The following JOSD2 variants were observed in gnomAD, a reference collection of about 807,000 sequenced individuals.
JOSD2 encodes josephin-2.
A neutral mutation model predicts 19.3 loss-of-function variants in JOSD2; 20 were observed. That is an observed-to-expected ratio of 1.04 (90% CI 0.73 to 1.51). The LOEUF (loss-of-function observed/expected upper bound fraction) is 1.51. JOSD2 is among the 40% of genes most tolerant of loss of function. The pLI, the probability that JOSD2 is intolerant of heterozygous loss-of-function variation, is 0.00. For synonymous variants in JOSD2, 118 were observed against 123.7 expected, an observed-to-expected ratio of 0.95 and a Z score of 0.31; for missense variants, 215 against 250.4, an observed-to-expected ratio of 0.86 and a Z score of 0.95.
intron 2 of JOSD2, 36 bp from the exon 3 acceptor site, chr19:50,507,735 C>A: frequency 1.3e-6 from 2 of 1,589,304 alleles, no homozygotes; most frequent in Non-Finnish European, 1.7e-6. Flanking sequence ...AGGTGGGGAC[C>A]CCTGGAAAGG....
At position 50,507,698 on chromosome 19, in the gene JOSD2, A is replaced by G. The variant is rs1370464880; in HGVS notation, c.148T>C (p.Leu50=). ...QEAADEICKR[L]APDSRLNPHR... is the part of the protein sequence containing the mutation. ...GGGTTCAGCCGGGAGTCTGGGGCCA[A>G]CCTGGTAGTGGGGGTGGCCAGAGCT... is the stretch of plus-strand genomic sequence containing the variant. The change falls in exon 3 of 5, where the codon TTG becomes CTG. Residue 50 remains leucine (L), a splice_region_variant and synonymous_variant. Transcript: ENST00000598418. 3 of 1,610,380 alleles carry G rather than the reference A, an allele frequency of 1.9e-6. No individual in the cohort carries two copies. Among genetic ancestry groups the G allele is most frequent in the Non-Finnish European group, 2.5e-6 (3 of 1,179,188 alleles).
chr19:50,506,512 G>C lies in JOSD2; in HGVS notation c.333C>G (p.Pro111=). 2 of 1,554,756 alleles carry C rather than the reference G, an allele frequency of 1.3e-6. No homozygotes were observed. The highest frequency in any genetic ancestry group is 1.7e-6 in the Non-Finnish European group (2 of 1,149,884). The change falls in exon 4 of 5, where the codon CCC becomes CCG. Residue 111 remains proline, a synonymous_variant. Coordinates refer to ENST00000598418, the MANE Select transcript of JOSD2 (RefSeq NM_001270639.2). The part of the protein sequence containing the change: ...VLGLILNLPS[P]VSLGLLSLPL... ...GCAGTGACAGCAGCCCCAGCGACAC[G>C]GGCGAGGGCAGGTTCAGGATCAGCC...
Position 50,510,460 on chromosome 19 carries a change from GA to G in JOSD2, c.-17-13del. ...GTCCTCGGCTCCTGCTGGGGGTTGGGAGGGGGAGAAGGTCCTCAGGGGCCCG... is the reference window on the plus strand; with the variant it reads ...GTCCTCGGCTCCTGCTGGGGGTTGGGGGGGGAGAAGGTCCTCAGGGGCCCG... On this transcript the variant is annotated splice_polypyrimidine_tract_variant and intron_variant, in intron 1 of 4. Coordinates refer to ENST00000598418, the MANE Select transcript of JOSD2 (RefSeq NM_001270639.2). The G allele has an allele frequency of 6.3e-7, 1 of 1,588,050 alleles. No homozygotes were observed. The highest frequency in any genetic ancestry group is 8.6e-7 in the Non-Finnish European group (1 of 1,168,286).
chr19:50,509,096 A>G (rs1445226758), intron 2 of JOSD2, among the ~76,000 whole-genome samples: 2 of 136,148 alleles, frequency 1.5e-5, no homozygotes, highest in Admixed American at 7.6e-5. Flanking sequence ...GAGATGGTAA[A>G]GGAGTGATTT....
intron 1 of JOSD2, among the ~76,000 whole-genome samples, chr19:50,510,891 C>T (rs562898176): frequency 5.4e-4 from 82 of 152,100 alleles, no homozygotes; most frequent in African/African-American, 1.9e-3. Flanking sequence ...AGGGTCCCCT[C>T]TGGTCTCCTA....
chr19:50,507,531 T>C (rs1378182471), intron 3 of JOSD2, 43 bp downstream of exon 3: 1 of 1,565,354 alleles, frequency 6.4e-7, no homozygotes, highest in East Asian at 2.3e-5. Context: ...TAGGGTGCCC[T>C]CTGTGCCCGG....
In JOSD2 at chr19:50,507,431, C is replaced by A. The variant is rs1249836712; in HGVS notation, c.272+143G>T. 3.4e-6 allele frequency: 4 copies of A among 1,165,266 alleles called. No individual in the cohort carries two copies. In the East Asian group the frequency reaches 7.2e-5, roughly 21 times the overall value. 72.2% of individuals were successfully genotyped at this position (1,165,266 alleles called of 1,614,324 possible). A position where few individuals can be genotyped will look rare whatever the true frequency, so the allele number is the denominator to read the frequency against. Reference sequence around the variant, plus strand: ...CAGCCCATCGACCACCTGATCTCCCCCTTTCAACCCATCAGTGCCAGGCTT... The same window carrying A: ...CAGCCCATCGACCACCTGATCTCCCACTTTCAACCCATCAGTGCCAGGCTT... On this transcript the variant is annotated intron_variant, in intron 3 of 4. Transcript: ENST00000598418.
chr19:50,508,290 T>C (rs1979508624), intron 2 of JOSD2, among the ~76,000 whole-genome samples: 2 of 152,232 alleles, frequency 1.3e-5, no homozygotes, highest in African/African-American at 4.8e-5. Flanking sequence ...GGGCCCTGTC[T>C]GGGCTCCCCC....
At chr19:50,507,839 C>G (rs891347225) in intron 2 of JOSD2, 140 bp from the exon 3 acceptor site, 1 of 1,014,030 alleles carries the variant, frequency 9.9e-7, no homozygotes, top group Non-Finnish European at 1.4e-6. Context: ...CCCCCAAGTC[C>G]TGCCTCTCCT....
chr19:50,506,669 G>T, intron 3 of JOSD2, 97 bp from the exon 4 acceptor site: 1 of 1,097,622 alleles, frequency 9.1e-7, no homozygotes, highest in Non-Finnish European at 1.3e-6. Flanking sequence ...GGTGGTGAGG[G>T]CCTCCTGAGC....
chr19:50,509,208 G>C (rs1429619816), intron 2 of JOSD2, among the ~76,000 whole-genome samples: 3 of 150,542 alleles, frequency 2.0e-5, no homozygotes, highest in African/African-American at 7.4e-5. Flanking sequence ...CTCCAGAGTA[G>C]CTGGGACTAC....
At chr19:50,509,103 ATTTTTT>A (rs34345488) in intron 2 of JOSD2, among the ~76,000 whole-genome samples, 2 of 115,166 alleles carry the variant, frequency 1.7e-5, no homozygotes, top group East Asian at 5.0e-4. Flanking sequence ...TAAAGGAGTG[ATTTTTT>A]TTTTTTTTTT....
rs533065760 is a variant in JOSD2 at position 50,506,512 on chromosome 19, G to A, written c.333C>T (p.Pro111=). 40 of 1,554,756 alleles carry A rather than the reference G, an allele frequency of 2.6e-5. No homozygotes were observed. The highest frequency in any genetic ancestry group is 2.7e-5 in the African/African-American group (2 of 73,330). Residue 111 remains proline, a synonymous_variant, in exon 4 of 5, where the codon CCC becomes CCT. Coordinates refer to ENST00000598418, the MANE Select transcript of JOSD2 (RefSeq NM_001270639.2). ...GCAGTGACAGCAGCCCCAGCGACAC[G>A]GGCGAGGGCAGGTTCAGGATCAGCC... ...VLGLILNLPS[P]VSLGLLSLPL...
rs1192236718 is a variant in JOSD2, at chr19:50,510,375, C to T, written c.57G>A (p.Gln19=). 2.1e-5 allele frequency: 34 copies of T among 1,613,528 alleles called. No homozygotes were observed. The highest frequency in any genetic ancestry group is 2.5e-5 in the Non-Finnish European group (30 of 1,179,958). Residue 19 remains glutamine (Q), a synonymous_variant, in exon 2 of 5, where the codon CAG becomes CAA. Coordinates refer to ENST00000598418, the MANE Select transcript of JOSD2 (RefSeq NM_001270639.2). ...PSPPTVYHER[Q]RLELCAVHAL... ...CGTGGACAGCACACAGCTCCAGGCG[C>T]TGCCGTTCGTGGTACACGGTGGGTG...
chr19:50,508,698 CGTGTGTGT>C (rs58475114), intron 2 of JOSD2, among the ~76,000 whole-genome samples: 1,917 of 140,892 alleles, frequency 0.014, 23 homozygotes, highest in East Asian at 0.085. Context: ...GGAAAACGCT[CGTGTGTGT>C]GTGTGTGTGT....
chr19:50,507,196 C>T (rs561862667), intron 3 of JOSD2, among the ~76,000 whole-genome samples: 19 of 148,522 alleles, frequency 1.3e-4, no homozygotes, highest in South Asian at 8.7e-4. Context: ...CACTCTTGAC[C>T]CCCCTGCCAT....
In JOSD2 at chr19:50,511,188, G is replaced by A. The variant is rs1309684174; in HGVS notation, c.-89C>T. 4 of 437,816 alleles carry A rather than the reference G, an allele frequency of 9.1e-6. No homozygotes were observed. The highest frequency in any genetic ancestry group is 2.1e-5 in the African/African-American group (1 of 48,418). The allele number at this position is 437,816 out of a possible 1,614,324, so 27.1% of individuals were successfully genotyped here. ...TTCCTGGGCGGCGGCTCTGGGCTCC[G>A]AGTGCGGGGCGGGCAACACCGCGCT... On this transcript the variant is annotated 5_prime_UTR_variant, in exon 1 of 5. Coordinates refer to ENST00000598418, the MANE Select transcript of JOSD2 (RefSeq NM_001270639.2).
intron 2 of JOSD2, among the ~76,000 whole-genome samples, chr19:50,509,559 G>A (rs1274698): frequency 0.76 from 116,150 of 152,108 alleles, 45,110 homozygotes; most frequent in African/African-American, 0.92. Context: ...CTGAAGATGC[G>A]GAGGCAGGCT....
intron 2 of JOSD2, 180 bp downstream of exon 2, chr19:50,510,106 C>T: frequency 1.7e-6 from 1 of 593,340 alleles, no homozygotes; most frequent in Non-Finnish European, 2.9e-6. Flanking sequence ...GGGGCTGAGG[C>T]CACAGGGACA....
Sources: gnomAD v4.1 joint callset for allele counts (sites outside exome capture counted in the v4.1 genomes callset) on GRCh38, gnomAD v4.1.1 for gene constraint, MANE v1.5 for transcripts, NCBI Gene and HGNC (gene_info 2026-07-23, HGNC 2026-07-21) for gene names.